ADGRL2: variants seen among roughly 807,000 people sequenced by gnomAD.
ADGRL2 encodes the protein calcium-independent alpha-latrotoxin receptor 2.
ADGRL2 carries 44 observed loss-of-function variants against 157.4 expected under a neutral mutation model. That is an observed-to-expected ratio of 0.28 (90% CI 0.22 to 0.36). ADGRL2 has a LOEUF of 0.36. Ranked by LOEUF, ADGRL2 falls within the 10% of genes least tolerant of loss-of-function variation. The pLI is 1.00. For synonymous variants in ADGRL2, 585 were observed against 624.7 expected, an observed-to-expected ratio of 0.94 and a Z score of 0.95; for missense variants, 1,510 against 1,768.9, an observed-to-expected ratio of 0.85 and a Z score of 2.63.
intron 2 of ADGRL2, among the ~76,000 whole-genome samples, chr1:81,447,547 G>A (rs953600026): frequency 6.6e-6 from 1 of 152,026 alleles, no homozygotes; most frequent in Non-Finnish European, 1.5e-5. Flanking sequence ...TGCATTTTGG[G>A]GCTCTAGTCC....
intron 11 of ADGRL2, among the ~76,000 whole-genome samples, chr1:81,960,111 C>G (rs1654862203): frequency 1.3e-5 from 2 of 152,012 alleles, no homozygotes; most frequent in South Asian, 4.2e-4. Context: ...AGTATTTTTT[C>G]ATTAAAAGTT....
At chr1:81,614,519 AT>A (rs367618178) in intron 3 of ADGRL2, among the ~76,000 whole-genome samples, 3 of 151,948 alleles carry the variant, frequency 2.0e-5, no homozygotes, top group Admixed American at 6.6e-5. Context: ...TGGTCCAAAG[AT>A]TTTTTTTCAT....
intron 1 of ADGRL2, among the ~76,000 whole-genome samples, chr1:81,367,619 G>A (rs1331327751): frequency 6.6e-6 from 1 of 152,060 alleles, no homozygotes; most frequent in Non-Finnish European, 1.5e-5. Flanking sequence ...GAGCGCAATG[G>A]CGTGATCACT....
chr1:81,966,742 A>G, intron 13 of ADGRL2, 133 bp downstream of exon 13: 2 of 737,866 alleles, frequency 2.7e-6, no homozygotes, highest in South Asian at 1.7e-5. Context: ...TTTCCATTTG[A>G]ATTTTAAATG....
At chr1:81,428,278 A>G (rs1281234219) in intron 1 of ADGRL2, among the ~76,000 whole-genome samples, 1 of 152,088 alleles carries the variant, frequency 6.6e-6, no homozygotes. Flanking sequence ...TTAAATTAGC[A>G]TTTGTGAATT....
At chr1:81,423,841 A>G (rs564971829) in intron 1 of ADGRL2, among the ~76,000 whole-genome samples, 1 of 152,298 alleles carries the variant, frequency 6.6e-6, no homozygotes, top group African/African-American at 2.4e-5. Flanking sequence ...CAAAGGTTAA[A>G]TTGCTCTTTT....
intron 1 of ADGRL2, among the ~76,000 whole-genome samples, chr1:81,728,792 A>C (rs1419411145): frequency 6.6e-6 from 1 of 152,102 alleles, no homozygotes; most frequent in Admixed American, 6.6e-5. Context: ...ATGCTGAAAC[A>C]TGGTTCTGCA....
intron 1 of ADGRL2, among the ~76,000 whole-genome samples, chr1:81,378,609 T>A (rs1193302739): frequency 6.7e-6 from 1 of 150,248 alleles, no homozygotes; most frequent in East Asian, 2.0e-4. Context: ...ACTGTAGTTC[T>A]GTTGTCTACT....
At chr1:81,322,125 C>CATATATAT (rs1557595212) in intron 1 of ADGRL2, among the ~76,000 whole-genome samples, 1 of 119,626 alleles carries the variant, frequency 8.4e-6, no homozygotes, top group Admixed American at 9.1e-5. Context: ...TATATATATA[C>CATATATAT]ACACACACAC....
At chr1:81,473,641 T>C (rs765368195) in intron 2 of ADGRL2, among the ~76,000 whole-genome samples, 8 of 152,220 alleles carry the variant, frequency 5.3e-5, no homozygotes, top group Non-Finnish European at 1.2e-4. Context: ...AAAATGGTGC[T>C]TTAACCCTTA....
intron 2 of ADGRL2, among the ~76,000 whole-genome samples, chr1:81,559,383 T>G (rs2148442474): frequency 6.6e-6 from 1 of 151,842 alleles, no homozygotes; most frequent in East Asian, 1.9e-4. Flanking sequence ...ATTGGTATCA[T>G]GTACAGTTCA....
At chr1:81,469,393 A>G (rs750230352) in intron 2 of ADGRL2, among the ~76,000 whole-genome samples, 5 of 152,138 alleles carry the variant, frequency 3.3e-5, no homozygotes, top group African/African-American at 7.2e-5. Context: ...CGTCACATCA[A>G]CATACCCAGT....
Position 81,593,615 on chromosome 1 carries a change from G to A in ADGRL2, c.-143+12635G>A, listed in dbSNP as rs2081175027. Reference sequence around the variant, plus strand: ...TCAGCGTACCTTAATTTGGGTTTTGGGCTCTATTACCTCTTATTCCTATGC... The same window carrying A: ...TCAGCGTACCTTAATTTGGGTTTTGAGCTCTATTACCTCTTATTCCTATGC... On this transcript the variant is annotated intron_variant, in intron 3 of 24. Transcript: ENST00000370721. 2.0e-5 allele frequency among the ~76,000 whole-genome samples: 3 copies of A among 152,002 alleles called. 1 individual carries two copies. Among genetic ancestry groups the A allele is most frequent in the Non-Finnish European group, 2.9e-5 (2 of 67,974 alleles).
chr1:81,729,958 A>G (rs994093029), intron 1 of ADGRL2, among the ~76,000 whole-genome samples: 1 of 152,182 alleles, frequency 6.6e-6, no homozygotes, highest in Non-Finnish European at 1.5e-5. Flanking sequence ...GCCTTCCTTA[A>G]TGACTGATAG....
At chr1:81,829,108 C>G (rs1172015985) in intron 1 of ADGRL2, among the ~76,000 whole-genome samples, 1 of 152,018 alleles carries the variant, frequency 6.6e-6, no homozygotes, top group Non-Finnish European at 1.5e-5. Flanking sequence ...GACGGGGTTT[C>G]ACCGCATTGG....
At chr1:81,412,649 C>T (rs1204109661) in intron 1 of ADGRL2, among the ~76,000 whole-genome samples, 22 of 152,088 alleles carry the variant, frequency 1.4e-4, no homozygotes, top group Non-Finnish European at 2.9e-5. Context: ...GTAGCAGCCA[C>T]CTAAAACACG....
chr1:81,453,495 C>T (rs892216617), intron 2 of ADGRL2, among the ~76,000 whole-genome samples: 2 of 152,088 alleles, frequency 1.3e-5, no homozygotes, highest in African/African-American at 4.8e-5. Flanking sequence ...GGTGGGGAGA[C>T]TCACATATGT....
At chr1:81,957,422 G>A (rs1470112426) in intron 11 of ADGRL2, among the ~76,000 whole-genome samples, 3 of 152,112 alleles carry the variant, frequency 2.0e-5, no homozygotes, top group Non-Finnish European at 4.4e-5. Context: ...TTTTTCGCTG[G>A]GCACAGTGGC....
chr1:81,898,052 G>A (rs2151563649), intron 2 of ADGRL2, among the ~76,000 whole-genome samples: 1 of 152,276 alleles, frequency 6.6e-6, no homozygotes, highest in African/African-American at 2.4e-5. Context: ...TGGGGCTGCA[G>A]TGAACTATGA....
Sources: gnomAD v4.1 joint callset for allele counts (sites outside exome capture counted in the v4.1 genomes callset) on GRCh38, gnomAD v4.1.1 for gene constraint, MANE v1.5 for transcripts, NCBI Gene and HGNC (gene_info 2026-07-23, HGNC 2026-07-21) for gene names.